Variants in PPP1R14C observed in about 807,000 individuals in gnomAD.
PPP1R14C encodes the protein protein phosphatase 1 regulatory inhibitor subunit 14C, also known as protein phosphatase 1 regulatory subunit 14C.
Under a neutral mutation model 20.4 loss-of-function variants are expected in PPP1R14C, and 16 were observed. That is an observed-to-expected ratio of 0.78 (90% CI 0.53 to 1.19). The LOEUF is 1.19. Among genes scored for constraint, PPP1R14C ranks in the 50% most tolerant of loss-of-function variants. PPP1R14C has a pLI of 0.00. For synonymous variants in PPP1R14C, 91 were observed against 91.0 expected (o/e 1.00, Z 0.00); for missense variants, 211 against 220.1 (o/e 0.96, Z 0.26).
chr6:150,166,957 G>A (rs1582899998), intron 1 of PPP1R14C, among the ~76,000 whole-genome samples: 2 of 152,196 alleles, frequency 1.3e-5, no homozygotes, highest in South Asian at 2.1e-4. Context: ...GAGGCCAGGC[G>A]CGGTGGCTCA....
At chr6:150,184,377 A>G (rs1011052406) in intron 1 of PPP1R14C, among the ~76,000 whole-genome samples, 1 of 152,192 alleles carries the variant, frequency 6.6e-6, no homozygotes, top group Non-Finnish European at 1.5e-5. Context: ...CGACAGTCAT[A>G]TGCTGCACAG....
chr6:150,188,843 T>A (rs1387825796), intron 1 of PPP1R14C, among the ~76,000 whole-genome samples: 1 of 151,002 alleles, frequency 6.6e-6, no homozygotes, highest in African/African-American at 2.4e-5. Flanking sequence ...TTTTTATTTT[T>A]AATTTTTTAA....
intron 1 of PPP1R14C, among the ~76,000 whole-genome samples, chr6:150,174,015 T>TTCCCCC (rs1777528729): frequency 1.1e-5 from 1 of 92,738 alleles, no homozygotes; most frequent in Non-Finnish European, 2.3e-5. Flanking sequence ...CACCTCTCCC[T>TTCCCCC]CCCCCCCACC....
chr6:150,143,389 G>A lies in PPP1R14C; in HGVS notation c.197G>A (p.Arg66Gln). 1 of 1,612,094 alleles carries A rather than the reference G, an allele frequency of 6.2e-7. No individual in the cohort carries two copies. Among genetic ancestry groups the A allele is most frequent in the Non-Finnish European group, 8.5e-7 (1 of 1,179,324 alleles). ...CAGGTTCAGCAGCAACAGCAGCGGC[G>A]ACACCAGCAGGGAAAAGTGACAGTG... ...AGQVQQQQQR[R>Q]HQQGKVTVKY... Residue 66 changes from arginine to glutamine, a missense_variant, in exon 1 of 4, where the codon CGA becomes CAA. By Grantham distance (43) the Arg-to-Gln change is conservative. Coordinates refer to ENST00000361131, the MANE Select transcript of PPP1R14C (RefSeq NM_030949.3). This position sits in a 1 kb window ranked among gnomAD's most constrained non-coding sequence, Gnocchi z 5.6.
intron 1 of PPP1R14C, among the ~76,000 whole-genome samples, chr6:150,149,321 G>GTGTGTA (rs1277331128): frequency 1.3e-5 from 2 of 151,622 alleles, no homozygotes. Flanking sequence ...GTGTGTGTGT[G>GTGTGTA]TGTATGTGTG....
At chr6:150,158,976 C>T (rs1268664212) in intron 1 of PPP1R14C, among the ~76,000 whole-genome samples, 6 of 152,150 alleles carry the variant, frequency 3.9e-5, no homozygotes, top group East Asian at 1.9e-4. Context: ...GGATAGAACA[C>T]GTAACACTTT....
chr6:150,207,779 T>G (rs1289538203), intron 1 of PPP1R14C, among the ~76,000 whole-genome samples: 5 of 152,120 alleles, frequency 3.3e-5, no homozygotes, highest in African/African-American at 1.2e-4. Context: ...GAAAATAAAT[T>G]TATTTCTTTT....
rs1778542356 is a variant in PPP1R14C, at chr6:150,249,793, T to C, written c.*973T>C. On this transcript the variant is annotated 3_prime_UTR_variant, in exon 4 of 4. Transcript: ENST00000361131. ...TAGAAATAGGTTCTGGTAGCTTCTG[T>C]GCCTGGGTAGTATCAGACCAGTGGG... 2.7e-6 allele frequency: 1 copy of C among 367,546 alleles called. No homozygotes were observed. Among genetic ancestry groups the C allele is most frequent in the Non-Finnish European group, 4.8e-6 (1 of 206,726 alleles). The allele number at this position is 367,546 out of a possible 1,614,324, so 22.8% of individuals were successfully genotyped here.
At chr6:150,144,551 T>G (rs1426004793) in intron 1 of PPP1R14C, among the ~76,000 whole-genome samples, 1 of 152,212 alleles carries the variant, frequency 6.6e-6, no homozygotes, top group Non-Finnish European at 1.5e-5. Context: ...TAAAGCTAGG[T>G]TTGTGTTCAT....
intron 1 of PPP1R14C, among the ~76,000 whole-genome samples, chr6:150,209,399 G>C (rs1183278500): frequency 6.6e-6 from 1 of 150,920 alleles, no homozygotes; most frequent in Non-Finnish European, 1.5e-5. Context: ...TTTCTGGCTA[G>C]TTAGAAGTGT....
intron 1 of PPP1R14C, among the ~76,000 whole-genome samples, chr6:150,200,162 C>T (rs1004887003): frequency 2.1e-5 from 3 of 146,158 alleles, no homozygotes; most frequent in Non-Finnish European, 3.0e-5. Flanking sequence ...TATTTGAGGG[C>T]TTTTATAGGA....
At chr6:150,211,948 C>T (rs935162412) in intron 1 of PPP1R14C, among the ~76,000 whole-genome samples, 2 of 152,194 alleles carry the variant, frequency 1.3e-5, no homozygotes, top group African/African-American at 2.4e-5. Flanking sequence ...GTTTTTTCCC[C>T]AACCCTTGAG....
chr6:150,209,857 G>T (rs919851642), intron 1 of PPP1R14C, among the ~76,000 whole-genome samples: 15 of 151,656 alleles, frequency 9.9e-5, no homozygotes, highest in Non-Finnish European at 1.6e-4. Context: ...GTGTGTGTGT[G>T]TGGATGTGAG....
At chr6:150,215,401 G>A (rs965152986) in intron 2 of PPP1R14C, among the ~76,000 whole-genome samples, 5 of 152,176 alleles carry the variant, frequency 3.3e-5, no homozygotes, top group Admixed American at 2.6e-4. Context: ...CTTCCCACAG[G>A]AGGTCAAATC....
chr6:150,194,343 A>G (rs1191615170), intron 1 of PPP1R14C, among the ~76,000 whole-genome samples: 1 of 152,310 alleles, frequency 6.6e-6, no homozygotes, highest in East Asian at 1.9e-4. Context: ...CAAAACACTT[A>G]TAAGGATTTG....
chr6:150,209,095 C>T (rs1777988185), intron 1 of PPP1R14C, among the ~76,000 whole-genome samples: 2 of 152,106 alleles, frequency 1.3e-5, no homozygotes, highest in African/African-American at 4.8e-5. Flanking sequence ...TTTGCCACTC[C>T]CCACCCCTGC....
At chr6:150,167,193 C>T (rs1777431822) in intron 1 of PPP1R14C, among the ~76,000 whole-genome samples, 2 of 152,086 alleles carry the variant, frequency 1.3e-5, no homozygotes, top group Admixed American at 6.5e-5. Flanking sequence ...ATGGCAAACC[C>T]CATCTCTACT....
At chr6:150,196,109 A>T (rs547281321) in intron 1 of PPP1R14C, 2 of 985,306 alleles carry the variant, frequency 2.0e-6, no homozygotes, top group Admixed American at 6.1e-5. Context: ...AGGAGCATCA[A>T]TGGGGCCTTC....
intron 3 of PPP1R14C, among the ~76,000 whole-genome samples, chr6:150,227,993 C>T (rs73009897): frequency 0.11 from 16,297 of 152,258 alleles, 909 homozygotes; most frequent in East Asian, 0.22. Flanking sequence ...AAGAGCCGTA[C>T]GTGCTGGAGC....
Sources: gnomAD v4.1 joint callset for allele counts (sites outside exome capture counted in the v4.1 genomes callset) on GRCh38, gnomAD v4.1.1 for gene constraint, Gnocchi (gnomAD v3.1) non-coding constraint, MANE v1.5 for transcripts, NCBI Gene and HGNC (gene_info 2026-07-23, HGNC 2026-07-21) for gene names.